Variants in LINGO1 observed in about 807,000 individuals in gnomAD.
LINGO1 encodes leucine rich repeat and Ig domain containing 1, also known as leucine-rich repeat and immunoglobulin-like domain-containing nogo receptor-interacting protein 1.
A neutral mutation model predicts 37.3 loss-of-function variants in LINGO1; 11 were observed. That is an observed-to-expected ratio of 0.29 (90% CI 0.19 to 0.49). The LOEUF (loss-of-function observed/expected upper bound fraction) is 0.49, where lower values mean the gene tolerates loss of function less well. LINGO1 is among the 20% of genes least tolerant of loss of function. The pLI is 0.99. For synonymous variants in LINGO1, 387 were observed against 403.0 expected (o/e 0.96, Z 0.48); for missense variants, 585 against 878.2 (o/e 0.67, Z 4.22).
chr15:77,782,839 A>G (rs923205109), intron 1 of LINGO1, among the ~76,000 whole-genome samples: 11 of 151,946 alleles, frequency 7.2e-5, no homozygotes, highest in Non-Finnish European at 1.6e-4. Context: ...CTCCACCCAG[A>G]GGCCAGAAAG....
chr15:77,630,917 C>A (rs370705916), intron 1 of LINGO1, among the ~76,000 whole-genome samples: 2 of 152,198 alleles, frequency 1.3e-5, no homozygotes, highest in Non-Finnish European at 2.9e-5. Flanking sequence ...CCTCGGGCCA[C>A]GGGTAGAAAG....
chr15:77,775,719 C>T (rs564222694), intron 1 of LINGO1, among the ~76,000 whole-genome samples: 1 of 152,306 alleles, frequency 6.6e-6, no homozygotes. Context: ...TCTGTCTGTG[C>T]CTCTCTAGAC....
At chr15:77,680,942 T>A (rs11853824) in intron 2 of LINGO1, among the ~76,000 whole-genome samples, 8,425 of 152,238 alleles carry the variant, frequency 0.055, 813 homozygotes, top group African/African-American at 0.19. Flanking sequence ...AAGGAGAAGA[T>A]GCTACCCCTT....
At chr15:77,729,947 T>G (rs2076139067) in intron 2 of LINGO1, among the ~76,000 whole-genome samples, 2 of 152,264 alleles carry the variant, frequency 1.3e-5, no homozygotes, top group South Asian at 2.1e-4. Flanking sequence ...AAATACTTAT[T>G]GGAATAAGGT....
At chr15:77,739,799 A>G (rs141696367) in intron 1 of LINGO1, among the ~76,000 whole-genome samples, 2 of 152,328 alleles carry the variant, frequency 1.3e-5, no homozygotes, top group East Asian at 3.9e-4. Context: ...CACCTATGAT[A>G]CACAAAGGGA....
upstream of LINGO1, among the ~76,000 whole-genome samples, chr15:77,639,103 T>C (rs1256400956): frequency 6.6e-6 from 1 of 152,066 alleles, no homozygotes; most frequent in Non-Finnish European, 1.5e-5. Flanking sequence ...CAATCGCCAC[T>C]TGAGTGAGCT....
chr15:77,664,174 C>CGG (rs1555527602), intron 3 of LINGO1, among the ~76,000 whole-genome samples: 1 of 100,380 alleles, frequency 1.0e-5, no homozygotes, highest in East Asian at 2.9e-4. Flanking sequence ...TGTGTGTGCG[C>CGG]GCGCGCATGC....
At chr15:77,733,579 G>T (rs149638395) in intron 2 of LINGO1, among the ~76,000 whole-genome samples, 2 of 152,298 alleles carry the variant, frequency 1.3e-5, no homozygotes, top group Non-Finnish European at 2.9e-5. Context: ...CTGGAGTAGA[G>T]ACCAAGACCA....
At chr15:77,806,399 C>T (rs1018423888) in intron 1 of LINGO1, among the ~76,000 whole-genome samples, 2 of 152,100 alleles carry the variant, frequency 1.3e-5, no homozygotes, top group African/African-American at 2.4e-5. Context: ...GGAAGAGGGT[C>T]GAGGGCGGAG....
At position 77,614,931 on chromosome 15, in the gene LINGO1, C is replaced by A. The variant is rs1200204802; in HGVS notation, c.976G>T (p.Val326Leu). The change falls in exon 2 of 2, where the codon GTG becomes TTG. Residue 326 changes from valine (V) to leucine (L), a missense_variant. Coordinates refer to ENST00000355300, the MANE Select transcript of LINGO1 (RefSeq NM_032808.7). ...IQLVGGQLAVVEPYAFRGLNY... is the reference protein window; with the variant it reads ...IQLVGGQLAVLEPYAFRGLNY... ...AGGCCGCGGAAGGCATAGGGCTCCACCACGGCCAGCTGCCCGCCCACCAGC... is the reference window on the plus strand; with the variant it reads ...AGGCCGCGGAAGGCATAGGGCTCCAACACGGCCAGCTGCCCGCCCACCAGC... The A allele has an allele frequency of 6.2e-7, 1 of 1,613,714 alleles. No individual in the cohort carries two copies. Among genetic ancestry groups the A allele is most frequent in the African/African-American group, 1.3e-5 (1 of 74,888 alleles).
At chr15:77,667,401 C>A (rs1429706142) in intron 3 of LINGO1, among the ~76,000 whole-genome samples, 2 of 152,142 alleles carry the variant, frequency 1.3e-5, no homozygotes, top group Non-Finnish European at 2.9e-5. Context: ...GCCAAGCCAT[C>A]CTAGCAGAAT....
intron 1 of LINGO1, among the ~76,000 whole-genome samples, chr15:77,749,711 C>A (rs2076352022): frequency 6.6e-6 from 1 of 152,234 alleles, no homozygotes; most frequent in African/African-American, 2.4e-5. Context: ...CCCAACTCAG[C>A]CCTCCAGCTC....
At chr15:77,706,656 T>A (rs1446111421) in intron 2 of LINGO1, among the ~76,000 whole-genome samples, 1 of 152,214 alleles carries the variant, frequency 6.6e-6, no homozygotes, top group African/African-American at 2.4e-5. Context: ...GATAATGGGA[T>A]AAGACGCCTC....
At chr15:77,811,283 T>C (rs1211144927) in intron 1 of LINGO1, among the ~76,000 whole-genome samples, 27 of 152,244 alleles carry the variant, frequency 1.8e-4, no homozygotes, top group Admixed American at 1.8e-3. Context: ...TAGATTTTCC[T>C]GACGCTGCAG....
intron 1 of LINGO1, among the ~76,000 whole-genome samples, chr15:77,765,798 C>G (rs1415484790): frequency 6.6e-6 from 1 of 152,190 alleles, no homozygotes; most frequent in East Asian, 1.9e-4. Context: ...CAGAGTCCTT[C>G]TAGGAGATGC....
intron 2 of LINGO1, among the ~76,000 whole-genome samples, chr15:77,723,220 G>A (rs942044952): frequency 4.1e-5 from 6 of 146,672 alleles, no homozygotes; most frequent in Admixed American, 6.7e-5. Context: ...CAGTGAGCGC[G>A]GCCTGAGGCA....
intron 1 of LINGO1, among the ~76,000 whole-genome samples, chr15:77,777,439 A>AACAGATTTTGGACTTAT (rs71145862): frequency 0.2 from 11,431 of 57,476 alleles, 1,064 homozygotes; most frequent in African/African-American, 0.33. Context: ...GGCCCAGTGA[A>AACAGATTTTGGACTTAT]ACAGATTTTG....
chr15:77,625,076 G>A (rs28702901), intron 1 of LINGO1, among the ~76,000 whole-genome samples: 26,574 of 152,060 alleles, frequency 0.17, 4,947 homozygotes, highest in African/African-American at 0.47. Flanking sequence ...AGCCCCAGCC[G>A]TCAGGGCCTC....
At chr15:77,738,672 C>T (rs947890222) in intron 1 of LINGO1, among the ~76,000 whole-genome samples, 1 of 151,994 alleles carries the variant, frequency 6.6e-6, no homozygotes, top group Non-Finnish European at 1.5e-5. Flanking sequence ...CCCGAAGCCA[C>T]CTTGTTCACC....
Sources: allele counts gnomAD v4.1 joint callset (sites outside exome capture counted in the v4.1 genomes callset), GRCh38; gene constraint gnomAD v4.1.1; transcripts MANE v1.5; gene names NCBI Gene and HGNC (gene_info 2026-07-23, HGNC 2026-07-21).